RPTOR: variants seen among roughly 807,000 people sequenced by gnomAD.
RPTOR encodes regulatory-associated protein of mTOR.
A neutral mutation model predicts 169.9 loss-of-function variants in RPTOR; 21 were observed. The ratio of observed to expected loss-of-function variants is 0.12; its 90% confidence interval spans 0.09 to 0.18. RPTOR has a LOEUF of 0.18. RPTOR is among the 10% of genes least tolerant of loss of function. The probability of loss-of-function intolerance (pLI) is 1.00; values close to 1 mark genes in which losing one functional copy is unlikely to be tolerated. For missense variants in RPTOR, 1,133 were observed against 1,855.9 expected, an observed-to-expected ratio of 0.61 and a Z score of 7.16; for synonymous variants, 732 against 753.2, an observed-to-expected ratio of 0.97 and a Z score of 0.46.
chr17:80,907,286 TAAA>T (rs1269456017), intron 20 of RPTOR, among the ~76,000 whole-genome samples: 1 of 152,236 alleles, frequency 6.6e-6, no homozygotes, highest in African/African-American at 2.4e-5. Context: ...TCCCCAAAAA[TAAA>T]GAAGATGGAG....
chr17:80,922,967 G>T lies in RPTOR; in HGVS notation c.2624+140G>T. On this transcript the variant is annotated intron_variant, in intron 22 of 33. Transcript: ENST00000306801. ...GTCTCCTCCCCCCTCTCCAGCGGGC[G>T]TTCTTTCCCTCTCCCTCCCGGACAC... 2 of 687,456 alleles carry T rather than the reference G, an allele frequency of 2.9e-6. 1 individual carries two copies. The highest frequency in any genetic ancestry group is 3.7e-5 in the South Asian group (2 of 54,782). 42.6% of individuals were successfully genotyped at this position (687,456 alleles called of 1,614,324 possible).
intron 6 of RPTOR, among the ~76,000 whole-genome samples, chr17:80,785,662 T>C (rs1292648447): frequency 6.6e-6 from 1 of 152,054 alleles, no homozygotes; most frequent in African/African-American, 2.4e-5. Flanking sequence ...GAGGAATGTT[T>C]TGTGGCCCGA....
intron 2 of RPTOR, among the ~76,000 whole-genome samples, chr17:80,640,458 C>A (rs1340700811): frequency 6.6e-6 from 1 of 152,230 alleles, no homozygotes; most frequent in Admixed American, 6.5e-5. Context: ...CCACCCACTG[C>A]CCTATTCTTG....
At chr17:80,772,463 T>C in intron 6 of RPTOR, among the ~76,000 whole-genome samples, 1 of 72,098 alleles carries the variant, frequency 1.4e-5, no homozygotes, top group Non-Finnish European at 2.6e-5. Context: ...ACCCCCTTCC[T>C]CTCCCTCCAC....
intron 4 of RPTOR, among the ~76,000 whole-genome samples, chr17:80,724,877 C>A (rs1298488730): frequency 6.6e-6 from 1 of 152,206 alleles, no homozygotes; most frequent in East Asian, 1.9e-4. Flanking sequence ...GGCACCGTGT[C>A]GTTCTGCCCA....
intron 2 of RPTOR, among the ~76,000 whole-genome samples, chr17:80,636,143 T>C (rs537119807): frequency 6.6e-6 from 1 of 152,262 alleles, no homozygotes; most frequent in African/African-American, 2.4e-5. Context: ...TTTCCTCATC[T>C]GTAAAGTGGA....
chr17:80,799,113 G>A (rs918998373), intron 7 of RPTOR, among the ~76,000 whole-genome samples: 4 of 152,356 alleles, frequency 2.6e-5, no homozygotes, highest in East Asian at 1.9e-4. Context: ...CTGCTTGGGC[G>A]TCCCTGCCTT....
chr17:80,869,549 T>C (rs188018924), intron 13 of RPTOR, among the ~76,000 whole-genome samples: 4 of 152,302 alleles, frequency 2.6e-5, no homozygotes, highest in South Asian at 2.1e-4. Flanking sequence ...CAGTTCCTAG[T>C]TGGATCCTGG....
At chr17:80,807,648 G>A (rs867891575) in intron 7 of RPTOR, among the ~76,000 whole-genome samples, 6 of 152,038 alleles carry the variant, frequency 3.9e-5, no homozygotes, top group South Asian at 2.1e-4. Context: ...CACTGTGCCC[G>A]GCCAAGCCCC....
In RPTOR at chr17:80,826,725, G is replaced by T. The variant is rs984979600; in HGVS notation, c.1136+3502G>T. Reference sequence around the variant, plus strand: ...CTGAAGAAGAACCAGGCCAGGAGTGGTGAAGGGCAGGGCTCCTCCAGTGGG... The same window carrying T: ...CTGAAGAAGAACCAGGCCAGGAGTGTTGAAGGGCAGGGCTCCTCCAGTGGG... On this transcript the variant is annotated intron_variant, in intron 9 of 33. Transcript: ENST00000306801. 2.8e-4 allele frequency among the ~76,000 whole-genome samples: 42 copies of T among 152,238 alleles called. 1 individual carries two copies. Among genetic ancestry groups the T allele is most frequent in the Admixed American group, 2.7e-3 (42 of 15,290 alleles).
intron 7 of RPTOR, among the ~76,000 whole-genome samples, chr17:80,821,114 A>G (rs2067374150): frequency 6.6e-6 from 1 of 152,268 alleles, no homozygotes; most frequent in Admixed American, 6.5e-5. Context: ...TGTGTTGAAG[A>G]ATTACATTAA....
chr17:80,887,041 G>T (rs1402897510), intron 17 of RPTOR, among the ~76,000 whole-genome samples: 1 of 152,120 alleles, frequency 6.6e-6, no homozygotes, highest in Non-Finnish European at 1.5e-5. Context: ...GCTCTTACCT[G>T]GTTATGGAGG....
intron 20 of RPTOR, among the ~76,000 whole-genome samples, chr17:80,905,801 G>T (rs941809587): frequency 1.3e-5 from 2 of 152,182 alleles, no homozygotes; most frequent in Non-Finnish European, 2.9e-5. Flanking sequence ...GTCTGCCAGG[G>T]CCGCCGGGAG....
At chr17:80,743,318 G>A (rs905985516) in intron 5 of RPTOR, 52 of 985,512 alleles carry the variant, frequency 5.3e-5, no homozygotes, top group Non-Finnish European at 5.9e-5. Flanking sequence ...GGGGCAGGGC[G>A]CTCTTGCAGG....
intron 11 of RPTOR, among the ~76,000 whole-genome samples, chr17:80,852,909 G>A (rs756638812): frequency 1.9e-4 from 28 of 151,112 alleles, no homozygotes; most frequent in Non-Finnish European, 2.9e-4. Flanking sequence ...TGGCCTCCTC[G>A]TCCCTTTCCC....
At position 80,746,965 on chromosome 17, in the gene RPTOR, C is replaced by G. The variant is rs768433650; in HGVS notation, c.655-7045C>G. Among the ~76,000 whole-genome samples, 8 of 151,860 alleles carry G rather than the reference C, an allele frequency of 5.3e-5. No homozygotes were observed. The highest frequency in any genetic ancestry group is 1.9e-4 in the East Asian group (1 of 5,176). ...GGGTGCGGTGGGTCAGGCCTGTAACCCCAGAACTTCGGGAGGCCGAGGCAG... is the reference window on the plus strand; with the variant it reads ...GGGTGCGGTGGGTCAGGCCTGTAACGCCAGAACTTCGGGAGGCCGAGGCAG... On this transcript the variant is annotated intron_variant, in intron 5 of 33. Coordinates refer to ENST00000306801, the MANE Select transcript of RPTOR (RefSeq NM_020761.3). The surrounding 1 kb of genome is among the most constrained non-coding windows in gnomAD (Gnocchi z 4.5).
chr17:80,960,021 G>A lies in RPTOR; in HGVS notation c.3478-57G>A, dbSNP rs2144096644. ...AGAGGGGTCCTGGCGCTGCAGGACA[G>A]CAGGGAGGGTGGCTCGGTGCCCCGG... On this transcript the variant is annotated intron_variant, in intron 29 of 33. Coordinates refer to ENST00000306801, the MANE Select transcript of RPTOR (RefSeq NM_020761.3). This position sits in a 1 kb window ranked among gnomAD's most constrained non-coding sequence, Gnocchi z 4.8. 1.2e-6 allele frequency: 2 copies of A among 1,604,120 alleles called. No individual in the cohort carries two copies. The highest frequency in any genetic ancestry group is 2.7e-5 in the African/African-American group (2 of 74,910).
At chr17:80,846,205 G>A (rs1030534976) in intron 10 of RPTOR, among the ~76,000 whole-genome samples, 12 of 152,270 alleles carry the variant, frequency 7.9e-5, no homozygotes, top group African/African-American at 2.2e-4. Context: ...CTCCTCTTGC[G>A]GCCCCAGCTC....
intron 24 of RPTOR, among the ~76,000 whole-genome samples, chr17:80,937,613 CA>C (rs1381824708): frequency 6.6e-6 from 1 of 152,246 alleles, no homozygotes; most frequent in Non-Finnish European, 1.5e-5. Context: ...GCGGCACCCA[CA>C]GCCTCCAGGA....
Sources: gnomAD v4.1 joint callset for allele counts (sites outside exome capture counted in the v4.1 genomes callset) on GRCh38, gnomAD v4.1.1 for gene constraint, Gnocchi (gnomAD v3.1) non-coding constraint, MANE v1.5 for transcripts, NCBI Gene and HGNC (gene_info 2026-07-23, HGNC 2026-07-21) for gene names.